DGKI: variants seen among roughly 807,000 people sequenced by gnomAD.
DGKI encodes diacylglycerol kinase iota, also known as DAG kinase iota.
A neutral mutation model predicts 147.5 loss-of-function variants in DGKI; 55 were observed. That is an observed-to-expected ratio of 0.37 (90% CI 0.30 to 0.47). The LOEUF is 0.47. DGKI is among the 20% of genes least tolerant of loss of function. The pLI, the probability that DGKI is intolerant of heterozygous loss-of-function variation, is 1.00. For synonymous variants in DGKI, 469 were observed against 477.1 expected, an observed-to-expected ratio of 0.98 and a Z score of 0.22; for missense variants, 1,007 against 1,323.8, an observed-to-expected ratio of 0.76 and a Z score of 3.71.
intron 23 of DGKI, 125 bp from the exon 24 acceptor site, chr7:137,469,744 T>G: frequency 1.4e-6 from 1 of 700,402 alleles, no homozygotes; most frequent in African/African-American, 1.8e-5. Context: ...CATTTTTTTT[T>G]CTCTAGGAAC....
chr7:137,512,570 T>A (rs1816614858), intron 21 of DGKI, among the ~76,000 whole-genome samples: 1 of 152,178 alleles, frequency 6.6e-6, no homozygotes, highest in Non-Finnish European at 1.5e-5. Flanking sequence ...TTGGCCATAA[T>A]TTTGAGTATG....
chr7:137,598,050 G>C, intron 11 of DGKI, 143 bp from the exon 12 acceptor site: 1 of 677,930 alleles, frequency 1.5e-6, no homozygotes, highest in East Asian at 2.7e-5. Context: ...GCTATCATAG[G>C]TCCCAAGTAA....
intron 1 of DGKI, among the ~76,000 whole-genome samples, chr7:137,742,157 C>T (rs1320557261): frequency 2.0e-5 from 3 of 152,118 alleles, no homozygotes; most frequent in South Asian, 4.1e-4. Context: ...GAGATAAACT[C>T]ACACTGTTCT....
chr7:137,688,604 T>C (rs1029869104), intron 2 of DGKI, among the ~76,000 whole-genome samples: 3 of 152,232 alleles, frequency 2.0e-5, no homozygotes, highest in African/African-American at 7.2e-5. Context: ...ACAGGGTTGT[T>C]TGGAACATCG....
At chr7:137,507,461 T>C (rs2128945764) in intron 21 of DGKI, among the ~76,000 whole-genome samples, 1 of 152,270 alleles carries the variant, frequency 6.6e-6, no homozygotes, top group East Asian at 1.9e-4. Flanking sequence ...ACTACCTAAG[T>C]GGGCAACATA....
chr7:137,528,951 G>A (rs1376317436), intron 20 of DGKI, among the ~76,000 whole-genome samples: 1 of 152,114 alleles, frequency 6.6e-6, no homozygotes, highest in African/African-American at 2.4e-5. Flanking sequence ...CAGTCACATG[G>A]ACTAATGTCA....
At chr7:137,722,303 T>C in intron 1 of DGKI, 1 of 1,610,206 alleles carries the variant, frequency 6.2e-7, no homozygotes, top group Non-Finnish European at 8.5e-7. Flanking sequence ...AGTACCCGGG[T>C]GGTTAAACTT....
At chr7:137,433,341 T>C (rs111818699) in intron 28 of DGKI, among the ~76,000 whole-genome samples, 23 of 152,314 alleles carry the variant, frequency 1.5e-4, no homozygotes, top group African/African-American at 5.5e-4. Flanking sequence ...CTGGTAATGA[T>C]GATAAGATAT....
intron 1 of DGKI, among the ~76,000 whole-genome samples, chr7:137,701,941 CAT>C: frequency 1.3e-5 from 2 of 152,216 alleles, no homozygotes; most frequent in South Asian, 4.1e-4. Flanking sequence ...AAATCCAGAA[CAT>C]GTGCTATTAA....
intron 1 of DGKI, among the ~76,000 whole-genome samples, chr7:137,822,131 G>C (rs1355823941): frequency 1.3e-5 from 2 of 152,258 alleles, no homozygotes; most frequent in Non-Finnish European, 2.9e-5. Context: ...TCAGGGCACA[G>C]AGCGGTGGCT....
At chr7:137,737,347 GAA>G (rs1795053573) in intron 1 of DGKI, among the ~76,000 whole-genome samples, 1 of 151,516 alleles carries the variant, frequency 6.6e-6, no homozygotes, top group Non-Finnish European at 1.5e-5. Context: ...GGAATACAAA[GAA>G]ACATTATTTG....
At chr7:137,509,447 A>G (rs749459785) in intron 21 of DGKI, among the ~76,000 whole-genome samples, 2 of 152,162 alleles carry the variant, frequency 1.3e-5, no homozygotes, top group Non-Finnish European at 2.9e-5. Context: ...CTCTGTGGCC[A>G]GTTGGATGGG....
intron 1 of DGKI, among the ~76,000 whole-genome samples, chr7:137,753,044 A>G (rs1179620952): frequency 9.0e-6 from 1 of 111,596 alleles, no homozygotes; most frequent in Non-Finnish European, 1.6e-5. Flanking sequence ...ACGAATGTAC[A>G]TACACACACA....
chr7:137,513,197 C>T (rs1251839883), intron 21 of DGKI, among the ~76,000 whole-genome samples: 1 of 152,126 alleles, frequency 6.6e-6, no homozygotes, highest in Non-Finnish European at 1.5e-5. Context: ...TTCTCCCTAG[C>T]ACCAAGTACA....
intron 21 of DGKI, among the ~76,000 whole-genome samples, chr7:137,500,858 CTTCT>C (rs1277869215): frequency 1.3e-5 from 2 of 152,108 alleles, no homozygotes; most frequent in Admixed American, 6.5e-5. Context: ...GCATTTATCA[CTTCT>C]TTATGTTAGA....
At chr7:137,717,511 C>T (rs761853466) in intron 1 of DGKI, among the ~76,000 whole-genome samples, 2 of 152,136 alleles carry the variant, frequency 1.3e-5, no homozygotes, top group Admixed American at 6.5e-5. Flanking sequence ...TCTTGCAGGG[C>T]ATAAACATAT....
intron 6 of DGKI, among the ~76,000 whole-genome samples, chr7:137,643,660 T>A (rs1236621129): frequency 6.6e-6 from 1 of 152,176 alleles, no homozygotes; most frequent in African/African-American, 2.4e-5. Flanking sequence ...GCTCATGGCA[T>A]GATGGCTGGC....
intron 1 of DGKI, among the ~76,000 whole-genome samples, chr7:137,740,987 T>A (rs1795156877): frequency 6.6e-6 from 1 of 152,172 alleles, no homozygotes; most frequent in African/African-American, 2.4e-5. Flanking sequence ...ATTTCCTCAC[T>A]GATAAAAAGG....
chr7:137,756,710 G>A (rs1200290711), intron 1 of DGKI, among the ~76,000 whole-genome samples: 1 of 151,838 alleles, frequency 6.6e-6, no homozygotes, highest in Non-Finnish European at 1.5e-5. Flanking sequence ...TTGACTTGTG[G>A]GTTTAAAAAA....
Sources: gnomAD v4.1 joint callset for allele counts (sites outside exome capture counted in the v4.1 genomes callset) on GRCh38, gnomAD v4.1.1 for gene constraint, MANE v1.5 for transcripts, NCBI Gene and HGNC (gene_info 2026-07-23, HGNC 2026-07-21) for gene names.